The following HS6ST3 variants were observed in gnomAD, a reference collection of about 807,000 sequenced individuals.
HS6ST3 encodes the protein heparan-sulfate 6-O-sulfotransferase 3.
A neutral mutation model predicts 36.7 loss-of-function variants in HS6ST3; 12 were observed. That is an observed-to-expected ratio of 0.33 (90% CI 0.21 to 0.53). HS6ST3 has a LOEUF of 0.53. Among genes scored for constraint, HS6ST3 ranks in the 20% least tolerant of loss-of-function variants. HS6ST3 has a pLI of 0.95. For missense variants in HS6ST3, 584 were observed against 640.9 expected, an observed-to-expected ratio of 0.91 and a Z score of 0.96; for synonymous variants, 240 against 257.5, an observed-to-expected ratio of 0.93 and a Z score of 0.65.
At chr13:96,262,849 C>T (rs939538990) in intron 1 of HS6ST3, among the ~76,000 whole-genome samples, 1 of 151,742 alleles carries the variant, frequency 6.6e-6, no homozygotes, top group Non-Finnish European at 1.5e-5. Flanking sequence ...TGTGTGACTT[C>T]CCTGAATTTA....
At chr13:96,527,246 C>T (rs956766384) in intron 1 of HS6ST3, among the ~76,000 whole-genome samples, 6 of 152,118 alleles carry the variant, frequency 3.9e-5, no homozygotes, top group African/African-American at 1.2e-4. Context: ...TGAGCCATCA[C>T]ACTGGGCTCA....
chr13:96,117,075 G>A (rs1233949988), intron 1 of HS6ST3, among the ~76,000 whole-genome samples: 1 of 152,142 alleles, frequency 6.6e-6, no homozygotes, highest in Non-Finnish European at 1.5e-5. Flanking sequence ...CTAGTTTTTA[G>A]GATTGCACAT....
intron 1 of HS6ST3, among the ~76,000 whole-genome samples, chr13:96,215,624 G>T (rs1482759276): frequency 6.6e-6 from 1 of 151,622 alleles, no homozygotes. Flanking sequence ...TTTCTTTGTT[G>T]TTAAAAAAAG....
At chr13:96,200,256 A>G (rs1347200279) in intron 1 of HS6ST3, among the ~76,000 whole-genome samples, 1 of 152,064 alleles carries the variant, frequency 6.6e-6, no homozygotes. Context: ...AAAATCTCAT[A>G]CCCTGCAATG....
Position 96,091,481 on chromosome 13 carries a change from G to A in HS6ST3, c.619G>A (p.Gly207Arg). ...CCGCTTCTCCACCGGCTGGAGCTGC[G>A]GGCTGCACGCCGACTGGACGGAGCT... ...FSRFSTGWSC[G>R]LHADWTELTN... Residue 207 changes from glycine (G) to arginine (R), a missense_variant, in exon 1 of 2, where the codon GGG becomes AGG. Physicochemically the swap from Gly to Arg is moderately radical, Grantham distance 125. Coordinates refer to ENST00000376705, the MANE Select transcript of HS6ST3 (RefSeq NM_153456.4). The A allele has an allele frequency of 6.2e-7, 1 of 1,605,298 alleles. No individual in the cohort carries two copies. The highest frequency in any genetic ancestry group is 1.7e-5 in the Admixed American group (1 of 59,324).
At position 96,437,092 on chromosome 13, in the gene HS6ST3, A is replaced by T. The variant is rs192926678; in HGVS notation, c.707+345523A>T. On this transcript the variant is annotated intron_variant, in intron 1 of 1. Transcript: ENST00000376705. ...CAAATATGTTGTGTGTTCCTCACAT[A>T]ACACAAGTCACCATGTGGTCTGTTT... is the stretch of plus-strand genomic sequence containing the variant. Among the ~76,000 whole-genome samples, 748 of 152,312 alleles carry T rather than the reference A, an allele frequency of 4.9e-3. 4 individuals are homozygous for T. Among genetic ancestry groups the T allele is most frequent in the Non-Finnish European group, 7.9e-3 (535 of 68,032 alleles).
At chr13:96,528,408 T>C (rs2056122580) in intron 1 of HS6ST3, among the ~76,000 whole-genome samples, 1 of 152,184 alleles carries the variant, frequency 6.6e-6, no homozygotes, top group Admixed American at 6.5e-5. Flanking sequence ...AAGAGAATAT[T>C]AGAACTTTTT....
At chr13:96,356,108 T>C (rs1216906362) in intron 1 of HS6ST3, among the ~76,000 whole-genome samples, 1 of 152,162 alleles carries the variant, frequency 6.6e-6, no homozygotes, top group African/African-American at 2.4e-5. Context: ...TATGATATGA[T>C]ATGAACTAAT....
rs2138552579 is a variant in HS6ST3, at chr13:96,834,693, T to G, written c.*1495T>G. 1 of 152,684 alleles carries G rather than the reference T, an allele frequency of 6.5e-6. No individual in the cohort carries two copies. Among genetic ancestry groups the G allele is most frequent in the East Asian group, 1.9e-4 (1 of 5,178 alleles). The allele number at this position is 152,684 out of a possible 1,614,324, so 9.5% of individuals were successfully genotyped here. On this transcript the variant is annotated 3_prime_UTR_variant, in exon 2 of 2. Transcript: ENST00000376705. ...AATGTGTAAAACCCCTAAATCAGAT[T>G]GAAAAGCCTATTTCATTGATATCCA...
At chr13:96,260,847 C>T (rs2054662806) in intron 1 of HS6ST3, among the ~76,000 whole-genome samples, 1 of 151,944 alleles carries the variant, frequency 6.6e-6, no homozygotes, top group East Asian at 1.9e-4. Flanking sequence ...GCCATGTTGG[C>T]CAGGCTGGTC....
intron 1 of HS6ST3, among the ~76,000 whole-genome samples, chr13:96,542,069 T>C (rs1002383364): frequency 4.6e-5 from 7 of 152,196 alleles, no homozygotes; most frequent in Non-Finnish European, 8.8e-5. Flanking sequence ...TCTGAAACCT[T>C]TTTGATTCAA....
chr13:96,495,855 A>G (rs1469575207), intron 1 of HS6ST3, among the ~76,000 whole-genome samples: 3 of 152,200 alleles, frequency 2.0e-5, no homozygotes, highest in Non-Finnish European at 4.4e-5. Context: ...TAATGTTTGG[A>G]TGTATTCTCC....
intron 1 of HS6ST3, among the ~76,000 whole-genome samples, chr13:96,182,376 A>G (rs1188618879): frequency 6.6e-6 from 1 of 152,220 alleles, no homozygotes; most frequent in Non-Finnish European, 1.5e-5. Flanking sequence ...AGAATCTTTT[A>G]TTCCTAAAAT....
At chr13:96,589,610 G>T (rs1266501400) in intron 1 of HS6ST3, among the ~76,000 whole-genome samples, 3 of 151,562 alleles carry the variant, frequency 2.0e-5, no homozygotes, top group Non-Finnish European at 4.4e-5. Flanking sequence ...CTAATTTCTT[G>T]CAGCCTTAGA....
intron 1 of HS6ST3, among the ~76,000 whole-genome samples, chr13:96,130,697 T>A (rs2053971322): frequency 2.0e-5 from 3 of 152,200 alleles, no homozygotes; most frequent in Non-Finnish European, 4.4e-5. Context: ...TTGGCCCTAT[T>A]GGTTAAGCCT....
chr13:96,677,349 T>A (rs903757081), intron 1 of HS6ST3, among the ~76,000 whole-genome samples: 9 of 152,166 alleles, frequency 5.9e-5, no homozygotes, highest in Non-Finnish European at 1.3e-4. Flanking sequence ...TTTGTATCCT[T>A]CCACTTTTTG....
chr13:96,451,420 A>G (rs1030662245), intron 1 of HS6ST3, among the ~76,000 whole-genome samples: 1 of 152,290 alleles, frequency 6.6e-6, no homozygotes, highest in African/African-American at 2.4e-5. Flanking sequence ...TTCATACCAA[A>G]TCTATAAAAT....
rs79451690 is a variant in HS6ST3, at chr13:96,219,024, C to T, written c.707+127455C>T. ...CCTGACAGGGCCGCATCTTTTCACA[C>T]GAAGTTGCCCTTGGGACTAGCTGTG... On this transcript the variant is annotated intron_variant, in intron 1 of 1. Coordinates refer to ENST00000376705, the MANE Select transcript of HS6ST3 (RefSeq NM_153456.4). Among the ~76,000 whole-genome samples, 1,488 of 152,208 alleles carry T rather than the reference C, an allele frequency of 9.8e-3. 24 individuals carry two copies. Among genetic ancestry groups the T allele is most frequent in the African/African-American group, 0.034 (1,426 of 41,540 alleles).
intron 1 of HS6ST3, among the ~76,000 whole-genome samples, chr13:96,316,562 A>G (rs1347146854): frequency 6.6e-6 from 1 of 152,178 alleles, no homozygotes; most frequent in Non-Finnish European, 1.5e-5. Flanking sequence ...CACACACTTC[A>G]GGGGAGAAGC....
Sources: gnomAD v4.1 joint callset for allele counts (sites outside exome capture counted in the v4.1 genomes callset) on GRCh38, gnomAD v4.1.1 for gene constraint, MANE v1.5 for transcripts, NCBI Gene and HGNC (gene_info 2026-07-23, HGNC 2026-07-21) for gene names.